EYS: variants seen among roughly 807,000 people sequenced by gnomAD.
EYS encodes protein eyes shut homolog.
Under a neutral mutation model 282.1 loss-of-function variants are expected in EYS, and 250 were observed. The ratio of observed to expected loss-of-function variants is 0.89; its 90% CI spans 0.80 to 0.98. The LOEUF is 0.98. EYS is among the 50% of genes least tolerant of loss of function. The pLI is 0.00. For synonymous variants in EYS, 1,355 were observed against 1,282.9 expected, an observed-to-expected ratio of 1.06 and a Z score of -1.20; for missense variants, 4,016 against 3,709.0, an observed-to-expected ratio of 1.08 and a Z score of -2.15.
intron 30 of EYS, among the ~76,000 whole-genome samples, chr6:64,233,295 C>G (rs993320528): frequency 6.6e-6 from 1 of 152,046 alleles, no homozygotes; most frequent in Non-Finnish European, 1.5e-5. Context: ...AATTTCATAT[C>G]TGATATATGA....
chr6:65,213,273 G>A (rs1766220409), intron 12 of EYS, among the ~76,000 whole-genome samples: 1 of 152,178 alleles, frequency 6.6e-6, no homozygotes, highest in African/African-American at 2.4e-5. Context: ...TCTGCTGGAG[G>A]CTTTTAGCTG....
chr6:65,201,578 T>A (rs1012222269), intron 12 of EYS, among the ~76,000 whole-genome samples: 2 of 152,184 alleles, frequency 1.3e-5, no homozygotes, highest in Non-Finnish European at 2.9e-5. Flanking sequence ...TATAACTAAT[T>A]ATTATCCATT....
intron 14 of EYS, among the ~76,000 whole-genome samples, chr6:64,960,456 G>C (rs977667886): frequency 6.6e-6 from 1 of 152,014 alleles, no homozygotes; most frequent in Non-Finnish European, 1.5e-5. Flanking sequence ...ACTGAATACA[G>C]TGTTTTGTAT....
At chr6:65,476,374 A>T (rs989989226) in intron 5 of EYS, among the ~76,000 whole-genome samples, 2 of 152,184 alleles carry the variant, frequency 1.3e-5, no homozygotes, top group Non-Finnish European at 2.9e-5. Flanking sequence ...TTTTTCCCCA[A>T]ATTTACAAAA....
chr6:64,133,961 T>C (rs566924780), intron 31 of EYS, among the ~76,000 whole-genome samples: 2 of 152,174 alleles, frequency 1.3e-5, no homozygotes, highest in South Asian at 4.1e-4. Context: ...AGTGGTGATC[T>C]TTGAGCTAAA....
At chr6:65,223,240 G>A (rs143879052) in intron 12 of EYS, among the ~76,000 whole-genome samples, 142 of 152,094 alleles carry the variant, frequency 9.3e-4, no homozygotes, top group Middle Eastern at 3.4e-3. Context: ...GGTGGTAGGC[G>A]TCTGTAATCC....
chr6:64,895,466 T>C (rs1053609305), intron 18 of EYS, among the ~76,000 whole-genome samples: 1 of 152,228 alleles, frequency 6.6e-6, no homozygotes, highest in African/African-American at 2.4e-5. Flanking sequence ...TGTATATTTA[T>C]ATAGAATAAA....
Position 65,478,726 on chromosome 6 carries a change from C to A in EYS, c.862+11868G>T, listed in dbSNP as rs191894666. Among the ~76,000 whole-genome samples the A allele has an allele frequency of 9.0e-3, 1,366 of 152,092 alleles. 6 individuals are homozygous for A. The highest frequency in any genetic ancestry group is 0.014 in the Middle Eastern group (4 of 294). On this transcript the variant is annotated intron_variant, in intron 5 of 42. Coordinates refer to ENST00000503581, the MANE Select transcript of EYS (RefSeq NM_001142800.2). ...AAATTACTGTTTCTACTTGGAAGGG[C>A]CCTGTTTAGAATCACTGAAGAGTTG...
At chr6:65,580,645 T>C (rs945768626) in intron 2 of EYS, among the ~76,000 whole-genome samples, 1 of 152,242 alleles carries the variant, frequency 6.6e-6, no homozygotes, top group South Asian at 2.1e-4. Context: ...TATTTGAATG[T>C]CATAGATCTG....
chr6:65,325,826 T>A (rs529170289), intron 11 of EYS, among the ~76,000 whole-genome samples: 17 of 152,140 alleles, frequency 1.1e-4, no homozygotes, highest in Non-Finnish European at 1.6e-4. Context: ...GAATTCTTAT[T>A]TCAATCTTTC....
At chr6:64,925,233 A>G (rs564075958) in intron 15 of EYS, among the ~76,000 whole-genome samples, 23 of 152,312 alleles carry the variant, frequency 1.5e-4, no homozygotes, top group African/African-American at 5.5e-4. Flanking sequence ...AGATCTCATG[A>G]GACTTAATCA....
chr6:65,005,625 G>T (rs1310859644), intron 13 of EYS, among the ~76,000 whole-genome samples: 1 of 147,740 alleles, frequency 6.8e-6, no homozygotes, highest in Non-Finnish European at 1.5e-5. Flanking sequence ...CGATTAGCAT[G>T]GCCGCTGGAC....
chr6:63,785,228 T>A (rs908933082), intron 39 of EYS, among the ~76,000 whole-genome samples: 1 of 152,220 alleles, frequency 6.6e-6, no homozygotes, highest in Non-Finnish European at 1.5e-5. Context: ...ATTCTGCTTC[T>A]ATAGCTGCCT....
chr6:63,840,088 C>T (rs986710696), intron 36 of EYS, among the ~76,000 whole-genome samples: 1 of 145,410 alleles, frequency 6.9e-6, no homozygotes, highest in African/African-American at 2.5e-5. Context: ...CGCTTTGTTG[C>T]CCAGGATGGA....
intron 41 of EYS, among the ~76,000 whole-genome samples, chr6:63,757,030 CA>C (rs1582176732): frequency 6.6e-6 from 1 of 152,026 alleles, no homozygotes; most frequent in Non-Finnish European, 1.5e-5. Context: ...AACAGAATAA[CA>C]GCAATTTTAG....
chr6:64,691,573 G>A (rs909352798), intron 22 of EYS, among the ~76,000 whole-genome samples: 1 of 152,088 alleles, frequency 6.6e-6, no homozygotes, highest in African/African-American at 2.4e-5. Context: ...AATATATGCT[G>A]CTGAGCTTTG....
At chr6:64,261,195 T>C (rs1380512102) in intron 30 of EYS, among the ~76,000 whole-genome samples, 2 of 151,870 alleles carry the variant, frequency 1.3e-5, no homozygotes, top group Non-Finnish European at 2.9e-5. Context: ...CCCTTCCCAA[T>C]TGGGAAAACA....
chr6:65,065,682 C>T (rs1395219681), intron 12 of EYS, among the ~76,000 whole-genome samples: 1 of 152,076 alleles, frequency 6.6e-6, no homozygotes, highest in Non-Finnish European at 1.5e-5. Flanking sequence ...CACACCTGGC[C>T]AGAAAGCAAC....
rs368300302 is a variant in EYS at position 65,324,179 on chromosome 6, C to T, written c.1766+10801G>A. 2.8e-4 allele frequency among the ~76,000 whole-genome samples: 43 copies of T among 151,906 alleles called. 2 individuals carry two copies. The highest frequency in any genetic ancestry group is 7.0e-4 in the African/African-American group (29 of 41,408). Reference sequence around the variant, plus strand: ...TCCCAGCTTTCTTTATCAATTACCCCGATTCATTGTTTTTCCCGTGGTATT... The same window carrying T: ...TCCCAGCTTTCTTTATCAATTACCCTGATTCATTGTTTTTCCCGTGGTATT... On this transcript the variant is annotated intron_variant, in intron 11 of 42. Coordinates refer to ENST00000503581, the MANE Select transcript of EYS (RefSeq NM_001142800.2).
Sources: allele counts gnomAD v4.1 joint callset (sites outside exome capture counted in the v4.1 genomes callset), GRCh38; gene constraint gnomAD v4.1.1; transcripts MANE v1.5; gene names NCBI Gene and HGNC (gene_info 2026-07-23, HGNC 2026-07-21).